BLTP1: variants seen among roughly 807,000 people sequenced by gnomAD.
BLTP1 encodes the protein fragile site-associated protein.
At chr4:122,334,235 TAAAAC>T in the BLTP1 span, 1 of 1,055,684 alleles carries the variant, frequency 9.5e-7, no homozygotes, top group Non-Finnish European at 1.4e-6. Flanking sequence ...TTTTAAAAGT[TAAAAC>T]AGTCTTCTGA....
chr4:122,237,856 G>C, the BLTP1 span, among the ~76,000 whole-genome samples: 13 of 151,698 alleles, frequency 8.6e-5, no homozygotes, highest in Non-Finnish European at 1.9e-4. Context: ...GGTGGTGCGT[G>C]CCTGTAGTCC....
At chr4:122,353,727 C>G in the BLTP1 span, 1 of 1,434,414 alleles carries the variant, frequency 7.0e-7, no homozygotes, top group South Asian at 1.5e-5. The surrounding 1 kb of genome is among the most constrained non-coding windows in gnomAD (Gnocchi z 4.3). Context: ...TATATGACAA[C>G]TGAATTTATA....
At chr4:122,188,875 T>C in the BLTP1 span, 45 of 835,194 alleles carry the variant, frequency 5.4e-5, no homozygotes, top group African/African-American at 7.6e-4. Context: ...TATTCCTTTT[T>C]AGTTGTAACT....
chr4:122,194,047 A>G, the BLTP1 span, among the ~76,000 whole-genome samples: 1 of 152,012 alleles, frequency 6.6e-6, no homozygotes, highest in Non-Finnish European at 1.5e-5. Flanking sequence ...TATTTTTAGT[A>G]GAGACGGGGT....
At chr4:122,196,038 G>T in the BLTP1 span, among the ~76,000 whole-genome samples, 1 of 152,102 alleles carries the variant, frequency 6.6e-6, no homozygotes, top group East Asian at 1.9e-4. Flanking sequence ...ATAAGGGGAG[G>T]CAAAAACATT....
the BLTP1 span, chr4:122,238,423 A>G: frequency 3.2e-6 from 4 of 1,261,544 alleles, no homozygotes; most frequent in South Asian, 4.1e-5. Context: ...GGCAAGAAAA[A>G]CTTCTTCCCT....
the BLTP1 span, chr4:122,219,164 G>A: frequency 1.0e-6 from 1 of 984,126 alleles, no homozygotes; most frequent in South Asian, 4.7e-5. Flanking sequence ...TTGCCAAGCA[G>A]CTATGTGTAA....
the BLTP1 span, chr4:122,229,098 T>G: frequency 1.3e-6 from 2 of 1,558,996 alleles, no homozygotes; most frequent in South Asian, 2.4e-5. Context: ...ATGATTTAGA[T>G]GTACAATCCT....
the BLTP1 span, chr4:122,318,013 G>C: frequency 1.2e-6 from 1 of 868,090 alleles, no homozygotes; most frequent in South Asian, 1.9e-5. Context: ...TGAGTGTTAA[G>C]CTTATTGAGG....
the BLTP1 span, chr4:122,189,863 T>C: frequency 1.5e-6 from 2 of 1,320,920 alleles, no homozygotes; most frequent in Non-Finnish European, 1.9e-6. Flanking sequence ...TTTCTTTCTT[T>C]TCAGGATGCT....
the BLTP1 span, chr4:122,210,072 C>A: frequency 1.9e-5 from 25 of 1,320,578 alleles, no homozygotes; most frequent in East Asian, 2.6e-4. Context: ...ATTGTAGCTA[C>A]CTTTTGAGCA....
the BLTP1 span, among the ~76,000 whole-genome samples, chr4:122,166,748 C>G: frequency 6.6e-6 from 1 of 152,000 alleles, no homozygotes. Flanking sequence ...CTTTTATTTC[C>G]TTGAGCAGTG....
chr4:122,299,016 G>GA, the BLTP1 span: 3 of 985,332 alleles, frequency 3.0e-6, no homozygotes, highest in Non-Finnish European at 3.6e-6. Flanking sequence ...TTGCGTTCAG[G>GA]AAAAGACTGA....
At chr4:122,169,121 A>G in the BLTP1 span, among the ~76,000 whole-genome samples, 1 of 151,656 alleles carries the variant, frequency 6.6e-6, no homozygotes, top group East Asian at 1.9e-4. Context: ...CTAGTTTTTT[A>G]TTTTTATTTT....
chr4:122,162,219 A>G, the BLTP1 span, among the ~76,000 whole-genome samples: 2 of 152,228 alleles, frequency 1.3e-5, no homozygotes, highest in African/African-American at 4.8e-5. Context: ...TGTACTTTCT[A>G]TGTTGCTCCA....
the BLTP1 span, chr4:122,188,112 T>TA: frequency 7.0e-7 from 1 of 1,429,344 alleles, no homozygotes; most frequent in Non-Finnish European, 9.2e-7. Context: ...ATAAAAATAA[T>TA]AAAAAACTTC....
At chr4:122,153,159 GTTT>G in the BLTP1 span, 944 of 125,578 alleles carry the variant, frequency 7.5e-3, 2 homozygotes, top group African/African-American at 0.016. Flanking sequence ...AGTTGTTGTC[GTTT>G]TTTTTTTTTT....
the BLTP1 span, chr4:122,200,646 G>C: frequency 1.0e-6 from 1 of 981,928 alleles, no homozygotes; most frequent in Non-Finnish European, 1.2e-6. Context: ...GTGACAGTAC[G>C]CATCACACTC....
chr4:122,226,889 T>G, the BLTP1 span: 1 of 1,394,564 alleles, frequency 7.2e-7, no homozygotes, highest in Non-Finnish European at 9.7e-7. Flanking sequence ...TTTTAAAAAA[T>G]GGAATATTGA....
Sources: allele counts gnomAD v4.1 joint callset (sites outside exome capture counted in the v4.1 genomes callset), GRCh38; gene constraint gnomAD v4.1.1; non-coding constraint Gnocchi (gnomAD v3.1); transcripts MANE v1.5; gene names NCBI Gene and HGNC (gene_info 2026-07-23, HGNC 2026-07-21).